The following MGAT4C variants were observed in gnomAD, a reference collection of about 807,000 sequenced individuals.
The protein encoded by MGAT4C is alpha-1,3-mannosyl-glycoprotein 4-beta-N-acetylglucosaminyltransferase C.
In MGAT4C, 19 loss-of-function variants were observed where a neutral mutation model predicts 40.1. That is an observed-to-expected ratio of 0.47 (90% CI 0.33 to 0.70). The LOEUF is 0.70. Ranked by LOEUF, MGAT4C falls within the 30% of genes least tolerant of loss-of-function variation. The pLI is 0.02. For missense variants in MGAT4C, 491 were observed against 563.2 expected (o/e 0.87, Z 1.30); for synonymous variants, 181 against 187.1 (o/e 0.97, Z 0.27).
intron 1 of MGAT4C, among the ~76,000 whole-genome samples, chr12:86,241,412 A>T (rs1435013820): frequency 6.6e-6 from 1 of 152,176 alleles, no homozygotes; most frequent in Non-Finnish European, 1.5e-5. Flanking sequence ...CTGAATTCTA[A>T]TGTAAAAAAG....
chr12:86,461,057 G>A (rs945061570), intron 2 of MGAT4C, among the ~76,000 whole-genome samples: 1 of 151,826 alleles, frequency 6.6e-6, no homozygotes, highest in East Asian at 1.9e-4. Context: ...GCCTTTTCAT[G>A]TTATAACTCT....
At chr12:86,104,981 G>A (rs903087480) in intron 1 of MGAT4C, among the ~76,000 whole-genome samples, 26 of 152,032 alleles carry the variant, frequency 1.7e-4, no homozygotes, top group African/African-American at 9.6e-5. Flanking sequence ...TTAACTATCC[G>A]TGGTACTAAA....
intron 1 of MGAT4C, among the ~76,000 whole-genome samples, chr12:86,740,653 C>T (rs533993177): frequency 1.7e-4 from 26 of 151,106 alleles, no homozygotes; most frequent in Non-Finnish European, 3.1e-4. Flanking sequence ...TAATAGGTTT[C>T]TCAGAATTCA....
intron 2 of MGAT4C, among the ~76,000 whole-genome samples, chr12:86,689,181 C>G (rs1214912857): frequency 6.6e-6 from 1 of 152,146 alleles, no homozygotes; most frequent in Non-Finnish European, 1.5e-5. Context: ...TGCTGTGTTT[C>G]TCAGCTCCGT....
At chr12:86,414,527 G>T (rs549941046) in intron 3 of MGAT4C, among the ~76,000 whole-genome samples, 5 of 152,152 alleles carry the variant, frequency 3.3e-5, no homozygotes, top group African/African-American at 1.2e-4. Context: ...TGAGTTGTCA[G>T]AAAAATCCCA....
chr12:86,255,682 T>C (rs996236887), intron 1 of MGAT4C, among the ~76,000 whole-genome samples: 2 of 152,158 alleles, frequency 1.3e-5, no homozygotes, highest in African/African-American at 4.8e-5. Context: ...TATTTCCAAA[T>C]ATTTAAATGG....
At chr12:86,433,670 G>A (rs1227798368) in intron 3 of MGAT4C, among the ~76,000 whole-genome samples, 2 of 151,942 alleles carry the variant, frequency 1.3e-5, no homozygotes, top group Non-Finnish European at 1.5e-5. Flanking sequence ...CAAATGGGTT[G>A]AATTGAATGC....
chr12:86,667,794 G>A (rs1964153322), intron 2 of MGAT4C, among the ~76,000 whole-genome samples: 1 of 152,130 alleles, frequency 6.6e-6, no homozygotes, highest in South Asian at 2.1e-4. Context: ...TTAGTTTGCA[G>A]GTTGGACAAA....
intron 1 of MGAT4C, among the ~76,000 whole-genome samples, chr12:86,787,550 G>A (rs954972915): frequency 6.6e-6 from 1 of 151,688 alleles, no homozygotes; most frequent in African/African-American, 2.4e-5. Context: ...TCAGGTACAT[G>A]CAAATTAAAA....
intron 1 of MGAT4C, among the ~76,000 whole-genome samples, chr12:86,761,924 T>G (rs1359922594): frequency 6.6e-6 from 1 of 152,176 alleles, no homozygotes; most frequent in Non-Finnish European, 1.5e-5. Flanking sequence ...TAGAATAATA[T>G]TCATAGTTTC....
At chr12:86,351,762 T>C (rs751144660) in intron 3 of MGAT4C, among the ~76,000 whole-genome samples, 2 of 151,996 alleles carry the variant, frequency 1.3e-5, no homozygotes, top group Non-Finnish European at 2.9e-5. Flanking sequence ...ACCATCTTAA[T>C]CAGTCCTTAA....
At chr12:86,678,753 G>A (rs1431167120) in intron 2 of MGAT4C, among the ~76,000 whole-genome samples, 5 of 152,094 alleles carry the variant, frequency 3.3e-5, no homozygotes, top group Non-Finnish European at 5.9e-5. Context: ...TACAAAGGAT[G>A]TGAACTCATC....
intron 2 of MGAT4C, among the ~76,000 whole-genome samples, chr12:86,715,139 T>A (rs542885901): frequency 2.0e-3 from 304 of 152,264 alleles, no homozygotes; most frequent in South Asian, 4.6e-3. Context: ...ACAATAAAAC[T>A]AATTTATTCA....
rs1269133496 is a variant in MGAT4C, at chr12:86,254,129, T to C, written c.-57+2110A>G. ...TACAAGTAACATCACACATCATTTA[T>C]TTATGTCACCCTGTACTGGGAAGCC... On this transcript the variant is annotated intron_variant, in intron 1 of 4. Coordinates refer to ENST00000611864, the MANE Select transcript of MGAT4C (RefSeq NM_001351288.2). Among the ~76,000 whole-genome samples, 5 of 151,970 alleles carry C rather than the reference T, an allele frequency of 3.3e-5. No homozygotes were observed. In the East Asian group the frequency reaches 9.6e-4, roughly 29 times the overall value.
intron 2 of MGAT4C, among the ~76,000 whole-genome samples, chr12:86,528,462 C>T (rs746416869): frequency 2.0e-5 from 3 of 151,950 alleles, no homozygotes; most frequent in Admixed American, 6.5e-5. Context: ...TATCTTTCTT[C>T]TTCCTATGTA....
At chr12:86,827,732 A>G (rs1026145920) in intron 1 of MGAT4C, among the ~76,000 whole-genome samples, 3 of 151,442 alleles carry the variant, frequency 2.0e-5, no homozygotes, top group Non-Finnish European at 3.0e-5. Context: ...AATGTGGCAG[A>G]AAAAAAGCCA....
At chr12:86,109,691 T>G (rs185622797) in intron 1 of MGAT4C, among the ~76,000 whole-genome samples, 6 of 152,160 alleles carry the variant, frequency 3.9e-5, no homozygotes, top group Admixed American at 1.3e-4. Context: ...ATTGATTCAT[T>G]ATTTTGACAA....
chr12:86,131,903 C>T (rs1367333327), intron 1 of MGAT4C, among the ~76,000 whole-genome samples: 1 of 151,680 alleles, frequency 6.6e-6, no homozygotes, highest in East Asian at 1.9e-4. Context: ...ATTGTGTGGC[C>T]CATTTAATTC....
chr12:86,276,957 C>T (rs1005036237), intron 4 of MGAT4C, among the ~76,000 whole-genome samples: 1 of 152,138 alleles, frequency 6.6e-6, no homozygotes. Context: ...CCAGCAGTAG[C>T]ATTGCTGGAT....
Sources: allele counts gnomAD v4.1 joint callset (sites outside exome capture counted in the v4.1 genomes callset), GRCh38; gene constraint gnomAD v4.1.1; transcripts MANE v1.5; gene names NCBI Gene and HGNC (gene_info 2026-07-23, HGNC 2026-07-21).